Variants in WDR37 observed in about 807,000 individuals in gnomAD.
WDR37 encodes WD repeat domain 37.
Under a neutral mutation model 62.9 loss-of-function variants are expected in WDR37, and 19 were observed. The ratio of observed to expected loss-of-function variants is 0.30; its 90% CI spans 0.21 to 0.44. The LOEUF is 0.44. Among genes scored for constraint, WDR37 ranks in the 20% least tolerant of loss-of-function variants. The pLI is 1.00. For missense variants in WDR37, 474 were observed against 657.6 expected (o/e 0.72, Z 3.05); for synonymous variants, 250 against 260.9 (o/e 0.96, Z 0.40).
In WDR37 at chr10:1,121,693, G is replaced by C. The variant is rs1361562713; in HGVS notation, c.1104-2525G>C. On this transcript the variant is annotated intron_variant, in intron 11 of 13. Transcript: ENST00000263150. This position sits in a 1 kb window ranked among gnomAD's most constrained non-coding sequence, Gnocchi z 4.5. ...TCTGCTCTAGTTTCTAATGTGCCTG[G>C]GCAGGGCGGCTGCTACATCCACAGG... is the stretch of plus-strand genomic sequence containing the variant. Among the ~76,000 whole-genome samples the C allele has an allele frequency of 6.6e-6, 1 of 152,186 alleles. No homozygotes were observed. The highest frequency in any genetic ancestry group is 1.5e-5 in the Non-Finnish European group (1 of 68,038).
intron 2 of WDR37, among the ~76,000 whole-genome samples, chr10:1,076,068 C>T (rs1477107429): frequency 6.6e-6 from 1 of 152,216 alleles, no homozygotes; most frequent in Non-Finnish European, 1.5e-5. Flanking sequence ...GCGTGAGCCA[C>T]TGTGCCTGGC....
chr10:1,118,492 G>A (rs181204893), intron 11 of WDR37, among the ~76,000 whole-genome samples: 6 of 144,216 alleles, frequency 4.2e-5, no homozygotes, highest in African/African-American at 1.3e-4. Context: ...TCTGAGCTGC[G>A]TGCACTCAGC....
At chr10:1,107,665 A>G (rs1028800149) in intron 11 of WDR37, among the ~76,000 whole-genome samples, 16 of 151,414 alleles carry the variant, frequency 1.1e-4, no homozygotes, top group African/African-American at 3.7e-4. Flanking sequence ...TCTGAAACAC[A>G]CGCCCACTAA....
At chr10:1,100,369 G>A (rs1045936021) in intron 9 of WDR37, among the ~76,000 whole-genome samples, 2 of 152,216 alleles carry the variant, frequency 1.3e-5, no homozygotes, top group Admixed American at 1.3e-4. Flanking sequence ...CTGCAGAAAT[G>A]GCGTGGGAGG....
At chr10:1,087,385 G>A (rs1564502510) in intron 7 of WDR37, among the ~76,000 whole-genome samples, 2 of 152,140 alleles carry the variant, frequency 1.3e-5, no homozygotes, top group Non-Finnish European at 2.9e-5. Context: ...GCTGTATTCT[G>A]TTTCCTCCTT....
intron 11 of WDR37, among the ~76,000 whole-genome samples, chr10:1,120,373 C>T (rs1194976890): frequency 1.3e-5 from 2 of 152,240 alleles, no homozygotes; most frequent in African/African-American, 2.4e-5. Flanking sequence ...GCGCCGCCTC[C>T]GAGGGGCACC....
At chr10:1,087,676 C>T (rs1834246129) in intron 7 of WDR37, among the ~76,000 whole-genome samples, 1 of 152,154 alleles carries the variant, frequency 6.6e-6, no homozygotes, top group African/African-American at 2.4e-5. Context: ...GTCATCCATG[C>T]TTTGTTGTTC....
rs917727971 is a variant in WDR37 at position 1,103,613 on chromosome 10, A to C, written c.738A>C (p.Glu246Asp). ...QPVADTSISG[E>D]DEVECSDKDE... Reference sequence around the variant, plus strand: ...CCCTTTGGCAGCAGATATCTGGGGAAGATGAAGTAGAGTGCTCTGACAAGG... The same window carrying C: ...CCCTTTGGCAGCAGATATCTGGGGACGATGAAGTAGAGTGCTCTGACAAGG... The change falls in exon 10 of 14, where the codon GAA becomes GAC. Residue 246 changes from glutamate (E) to aspartate (D), a missense_variant. Physicochemically the swap from Glu to Asp is conservative, Grantham distance 45. Coordinates refer to ENST00000263150, the MANE Select transcript of WDR37 (RefSeq NM_014023.4). The surrounding 1 kb of genome is among the most constrained non-coding windows in gnomAD (Gnocchi z 6.3). 8.7e-6 allele frequency: 14 copies of C among 1,613,820 alleles called. No individual in the cohort carries two copies. Among genetic ancestry groups the C allele is most frequent in the Non-Finnish European group, 1.0e-5 (12 of 1,179,852 alleles).
chr10:1,123,359 A>G (rs1482044235), intron 11 of WDR37, among the ~76,000 whole-genome samples: 1 of 152,112 alleles, frequency 6.6e-6, no homozygotes. Context: ...CACCAGCACT[A>G]TTTCCTATGC....
At chr10:1,115,758 G>A (rs1327309420) in intron 11 of WDR37, among the ~76,000 whole-genome samples, 1 of 152,148 alleles carries the variant, frequency 6.6e-6, no homozygotes, top group Non-Finnish European at 1.5e-5. Flanking sequence ...TTTCTTTTTG[G>A]TGATGGCTTT....
intron 11 of WDR37, among the ~76,000 whole-genome samples, chr10:1,117,581 G>C (rs1835443523): frequency 6.6e-6 from 1 of 152,194 alleles, no homozygotes; most frequent in Admixed American, 6.5e-5. Flanking sequence ...ATGACTGTAA[G>C]ACAGCCATCA....
At chr10:1,098,109 C>T (rs7067536) in intron 9 of WDR37, among the ~76,000 whole-genome samples, 14,088 of 152,072 alleles carry the variant, frequency 0.093, 1,334 homozygotes, top group African/African-American at 0.25. Context: ...TGAATGTCTC[C>T]GTCCCCCAGA....
intron 1 of WDR37, among the ~76,000 whole-genome samples, chr10:1,058,696 G>C (rs1244351917): frequency 6.6e-6 from 1 of 152,174 alleles, no homozygotes; most frequent in African/African-American, 2.4e-5. Flanking sequence ...ATTTTAAGCA[G>C]GTTAATACTG....
rs765801521 is a variant in WDR37 at position 1,077,940 on chromosome 10, C to T, written c.172C>T (p.Leu58Phe). The T allele has an allele frequency of 2.5e-6, 4 of 1,612,418 alleles. No homozygotes were observed. The highest frequency in any genetic ancestry group is 1.3e-5 in the African/African-American group (1 of 74,890). The change falls in exon 3 of 14, where the codon CTT becomes TTT. Residue 58 changes from leucine (L) to phenylalanine (F), a missense_variant. Transcript: ENST00000263150. The stretch of plus-strand genomic sequence containing the variant: ...ACTGCCTTCCTCGGTTCGCAGTACA[C>T]TTCTGGAACTGTTTGGTCAAATAGA... ...SKLPSSVRST[L>F]LELFGQIERE...
At chr10:1,100,912 C>T (rs1020980343) in intron 9 of WDR37, among the ~76,000 whole-genome samples, 7 of 152,216 alleles carry the variant, frequency 4.6e-5, no homozygotes, top group Admixed American at 1.3e-4. Context: ...TCGGGCCCCC[C>T]GTCCCGACTG....
At position 1,103,844 on chromosome 10, in the gene WDR37, G is replaced by T. The variant is rs1030638005; in HGVS notation, c.961+8G>T. 3.1e-6 allele frequency: 5 copies of T among 1,613,004 alleles called. No individual in the cohort carries two copies. Among genetic ancestry groups the T allele is most frequent in the Non-Finnish European group, 4.2e-6 (5 of 1,179,094 alleles). On this transcript the variant is annotated splice_region_variant and intron_variant, in intron 10 of 13. Coordinates refer to ENST00000263150, the MANE Select transcript of WDR37 (RefSeq NM_014023.4). The surrounding 1 kb of genome is among the most constrained non-coding windows in gnomAD (Gnocchi z 6.3). Reference sequence around the variant, plus strand: ...TCGTTCACTCTCTGACAGGTGCCTGGGTTCTCTGAGTCCGCCGCCTCCTGG... The same window carrying T: ...TCGTTCACTCTCTGACAGGTGCCTGTGTTCTCTGAGTCCGCCGCCTCCTGG...
chr10:1,078,195 G>T (rs76165497), intron 3 of WDR37, among the ~76,000 whole-genome samples, 192 bp downstream of exon 3: 15 of 151,938 alleles, frequency 9.9e-5, no homozygotes, highest in African/African-American at 3.6e-4. Flanking sequence ...CGAGGACTCC[G>T]TCTCAAAAGT....
intron 5 of WDR37, among the ~76,000 whole-genome samples, chr10:1,083,793 G>A (rs1225954265): frequency 2.0e-5 from 3 of 152,218 alleles, no homozygotes; most frequent in East Asian, 1.9e-4. Flanking sequence ...GCCTACGGCC[G>A]CGCTGCCCTG....
chr10:1,084,090 G>C (rs554198715), intron 5 of WDR37, among the ~76,000 whole-genome samples: 25 of 152,270 alleles, frequency 1.6e-4, no homozygotes, highest in African/African-American at 6.0e-4. Flanking sequence ...TTTGGGTTTG[G>C]GGGAGAGGAC....
Sources: allele counts gnomAD v4.1 joint callset (sites outside exome capture counted in the v4.1 genomes callset), GRCh38; gene constraint gnomAD v4.1.1; non-coding constraint Gnocchi (gnomAD v3.1); transcripts MANE v1.5; gene names NCBI Gene and HGNC (gene_info 2026-07-23, HGNC 2026-07-21).